OR52N5: variants seen among roughly 807,000 people sequenced by gnomAD.
OR52N5 encodes the protein olfactory receptor family 52 subfamily N member 5, also known as olfactory receptor 52N5.
Under a neutral mutation model 14.1 loss-of-function variants are expected in OR52N5, and 10 were observed. The ratio of observed to expected loss-of-function variants is 0.71; its 90% confidence interval spans 0.44 to 1.20. The LOEUF (loss-of-function observed/expected upper bound fraction) is 1.20. Ranked by LOEUF, OR52N5 falls within the 50% of genes most tolerant of loss-of-function variation. OR52N5 has a pLI of 0.00. For missense variants in OR52N5, 361 were observed against 403.2 expected (o/e 0.90, Z 0.90); for synonymous variants, 116 against 143.0 (o/e 0.81, Z 1.35).
chr11:5,778,291 C>A lies in OR52N5; in HGVS notation c.344G>T (p.Gly115Val). 1 of 1,520,952 alleles carries A rather than the reference C, an allele frequency of 6.6e-7. No individual in the cohort carries two copies. The highest frequency in any genetic ancestry group is 9.0e-7 in the Non-Finnish European group (1 of 1,114,684). 94.2% of individuals were successfully genotyped at this position (1,520,952 alleles called of 1,614,324 possible). The part of the protein sequence containing the change: ...ACLAQMFFVH[G>V]FTGVESGVLM... Reference sequence around the variant, plus strand: ...CACCCCAGACTCCACACCTGTGAACCCATGAACAAAGAACATCTGGGCCAA... The same window carrying A: ...CACCCCAGACTCCACACCTGTGAACACATGAACAAAGAACATCTGGGCCAA... Residue 115 changes from glycine to valine, a missense_variant, in exon 3 of 3, where the codon GGG becomes GTG. Coordinates refer to ENST00000641181, the MANE Select transcript of OR52N5 (RefSeq NM_001385662.1).
At position 5,777,669 on chromosome 11, in the gene OR52N5, A is replaced by T; in HGVS notation, c.966T>A (p.Gly322=). The part of the protein sequence containing the change: ...SVIKFFQGDK[G]AG ...ATTAAGTTGCCTTGAATCAACCTGCACCCTTATCACCCTGGAAGAACTTTA... is the reference window on the plus strand; with the variant it reads ...ATTAAGTTGCCTTGAATCAACCTGCTCCCTTATCACCCTGGAAGAACTTTA... Residue 322 remains glycine (G), a synonymous_variant, in exon 3 of 3, where the codon GGT becomes GGA. Transcript: ENST00000641181. 1 of 1,466,358 alleles carries T rather than the reference A, an allele frequency of 6.8e-7. No homozygotes were observed. The highest frequency in any genetic ancestry group is 9.2e-7 in the Non-Finnish European group (1 of 1,086,580). The allele number at this position is 1,466,358 out of a possible 1,614,324, so 90.8% of individuals were successfully genotyped here. A position where few individuals can be genotyped will look rare whatever the true frequency, so the allele number is the denominator to read the frequency against.
Position 5,777,462 on chromosome 11 carries a change from T to A in OR52N5, c.*198A>T. On this transcript the variant is annotated 3_prime_UTR_variant, in exon 3 of 3. Transcript: ENST00000641181. Reference sequence around the variant, plus strand: ...AAACTCATTTTTTAAAAACTGGCAATAGACAAAAATTAAGGGAAAGGCACT... The same window carrying A: ...AAACTCATTTTTTAAAAACTGGCAAAAGACAAAAATTAAGGGAAAGGCACT... 2.9e-6 allele frequency: 1 copy of A among 350,240 alleles called. No individual in the cohort carries two copies. The highest frequency in any genetic ancestry group is 5.0e-6 in the Non-Finnish European group (1 of 200,496). The allele number at this position is 350,240 out of a possible 1,614,324, so 21.7% of individuals were successfully genotyped here.
In OR52N5 at chr11:5,783,181, CA is replaced by C; in HGVS notation, c.-248+113del. 2.2e-5 allele frequency: 3 copies of C among 138,924 alleles called. 1 individual carries two copies. The Middle Eastern group carries it at 0.011, about 522-fold the overall frequency. 8.6% of individuals were successfully genotyped at this position (138,924 alleles called of 1,614,324 possible). A position where few individuals can be genotyped will look rare whatever the true frequency, so the allele number is the denominator to read the frequency against. On this transcript the variant is annotated intron_variant, in intron 1 of 2. Coordinates refer to ENST00000641181, the MANE Select transcript of OR52N5 (RefSeq NM_001385662.1). ...TCCTAATTTTCTCAGACTAAGAAAT[CA>C]CCAACAACATTTTCTGCAAGTCAGT...
intron 2 of OR52N5, among the ~76,000 whole-genome samples, chr11:5,779,391 A>G (rs1450858226): frequency 7.1e-6 from 1 of 140,014 alleles, no homozygotes; most frequent in African/African-American, 2.6e-5. Context: ...TGTCAATCTG[A>G]TTTGATGGTT....
At position 5,778,660 on chromosome 11, in the gene OR52N5, GA is replaced by G; in HGVS notation, c.-23-4del. The G allele has an allele frequency of 7.5e-7, 1 of 1,332,928 alleles. No individual in the cohort carries two copies. Among genetic ancestry groups the G allele is most frequent in the Non-Finnish European group, 1.0e-6 (1 of 987,674 alleles). The allele number at this position is 1,332,928 out of a possible 1,614,324, so 82.6% of individuals were successfully genotyped here. On this transcript the variant is annotated splice_region_variant and splice_polypyrimidine_tract_variant and intron_variant, in intron 2 of 2. Coordinates refer to ENST00000641181, the MANE Select transcript of OR52N5 (RefSeq NM_001385662.1). ...TCTATTTTTCCAGAAGTTTCATCCTGAAGAGAAGGAATTATGAAACAAATTT... is the reference window on the plus strand; with the variant it reads ...TCTATTTTTCCAGAAGTTTCATCCTGAGAGAAGGAATTATGAAACAAATTT...
intron 2 of OR52N5, among the ~76,000 whole-genome samples, chr11:5,779,791 G>T (rs1245654127): frequency 7.2e-6 from 1 of 138,742 alleles, no homozygotes; most frequent in Non-Finnish European, 1.6e-5. Flanking sequence ...TTGGATAATG[G>T]TGTCATTATC....
At position 5,779,516 on chromosome 11, in the gene OR52N5, G is replaced by A. The variant is rs566437926; in HGVS notation, c.-23-859C>T. The stretch of plus-strand genomic sequence containing the variant: ...TCTCTTTTTATATAATTCTCAAGAA[G>A]CATATTATCTAGACTCTCACTTTAT... On this transcript the variant is annotated intron_variant, in intron 2 of 2. Coordinates refer to ENST00000641181, the MANE Select transcript of OR52N5 (RefSeq NM_001385662.1). Among the ~76,000 whole-genome samples, 31 of 139,244 alleles carry A rather than the reference G, an allele frequency of 2.2e-4. 6 individuals carry two copies. The highest frequency in any genetic ancestry group is 7.1e-4 in the African/African-American group (27 of 38,176). 91.3% of individuals were successfully genotyped at this position (139,244 alleles called of 152,430 possible). A position where few individuals can be genotyped will look rare whatever the true frequency, so the allele number is the denominator to read the frequency against.
Position 5,777,805 on chromosome 11 carries a change from G to T in OR52N5, c.830C>A (p.Thr277Lys), listed in dbSNP as rs1159817399. The T allele has an allele frequency of 5.3e-6, 8 of 1,520,194 alleles. 2 individuals are homozygous for T. The highest frequency in any genetic ancestry group is 7.2e-6 in the Non-Finnish European group (8 of 1,113,868). The allele number at this position is 1,520,194 out of a possible 1,614,324, so 94.2% of individuals were successfully genotyped here. A position where few individuals can be genotyped will look rare whatever the true frequency, so the allele number is the denominator to read the frequency against. ...AATGATGTGAAGAGAAGGGGGAATT[G>T]TGTGTCCCCCAAAACGGTGGGCAAA... is the stretch of plus-strand genomic sequence containing the variant. ...TFFAHRFGGH[T>K]IPPSLHIIVA... is the part of the protein sequence containing the mutation. Residue 277 changes from threonine (T) to lysine (K), a missense_variant, in exon 3 of 3, where the codon ACA (threonine) becomes AAA (lysine). Transcript: ENST00000641181.
chr11:5,779,362 C>T (rs1276281796), intron 2 of OR52N5, among the ~76,000 whole-genome samples: 1 of 139,458 alleles, frequency 7.2e-6, no homozygotes, highest in South Asian at 2.4e-4. Context: ...ATATAAAATA[C>T]AGGACTAATG....
chr11:5,781,355 G>C (rs1320632769), intron 2 of OR52N5, among the ~76,000 whole-genome samples, 178 bp downstream of exon 2: 1 of 140,048 alleles, frequency 7.1e-6, no homozygotes, highest in Non-Finnish European at 1.6e-5. Context: ...TAGTAAGAAA[G>C]TTGTGTGGGA....
chr11:5,778,611 GCA>G lies in OR52N5; in HGVS notation c.22_23del (p.Cys8LeufsTer15). MPLFNSL[C>X]WFPTIHVTPP... ...GAGTCACATGAATTGTTGGAAACCA[GCA>G]TAATGAATTAAATAGAGGCATTCTA... is the stretch of plus-strand genomic sequence containing the variant. On this transcript the variant is annotated frameshift_variant, in exon 3 of 3. Transcript: ENST00000641181. LOFTEE classifies it high-confidence loss of function. The G allele has an allele frequency of 6.8e-7, 1 of 1,468,070 alleles. No homozygotes were observed. The highest frequency in any genetic ancestry group is 1.3e-5 in the South Asian group (1 of 79,460). The allele number at this position is 1,468,070 out of a possible 1,614,324, so 90.9% of individuals were successfully genotyped here. A position where few individuals can be genotyped will look rare whatever the true frequency, so the allele number is the denominator to read the frequency against.
In OR52N5 at chr11:5,778,747, C is replaced by A; in HGVS notation, c.-23-90G>T. On this transcript the variant is annotated intron_variant, in intron 2 of 2. Transcript: ENST00000641181. ...TAGAATAAAATTAAGTTTATAATGGCACCAACAATTATACATAAGTGACTA... is the reference window on the plus strand; with the variant it reads ...TAGAATAAAATTAAGTTTATAATGGAACCAACAATTATACATAAGTGACTA... 2 of 671,152 alleles carry A rather than the reference C, an allele frequency of 3.0e-6. 1 individual carries two copies. The highest frequency in any genetic ancestry group is 5.7e-5 in the East Asian group (2 of 35,284). 41.6% of individuals were successfully genotyped at this position (671,152 alleles called of 1,614,324 possible).
intron 1 of OR52N5, among the ~76,000 whole-genome samples, chr11:5,782,993 A>T (rs1172604720): frequency 7.2e-6 from 1 of 138,416 alleles, no homozygotes; most frequent in African/African-American, 2.7e-5. Flanking sequence ...TGACCCTGGC[A>T]TTACAGCACA....
At chr11:5,781,238 T>C (rs1473866067) in intron 2 of OR52N5, among the ~76,000 whole-genome samples, 1 of 140,400 alleles carries the variant, frequency 7.1e-6, no homozygotes, top group Non-Finnish European at 1.6e-5. Flanking sequence ...ATTTCTTTGT[T>C]TTCCCTGTAG....
rs1430701210 is a variant in OR52N5 at position 5,777,173 on chromosome 11, A to G, written c.*487T>C. 1 of 140,216 alleles carries G rather than the reference A, an allele frequency of 7.1e-6. No individual in the cohort carries two copies. Among genetic ancestry groups the G allele is most frequent in the Non-Finnish European group, 1.6e-5 (1 of 63,454 alleles). 8.7% of individuals were successfully genotyped at this position (140,216 alleles called of 1,614,324 possible). A position where few individuals can be genotyped will look rare whatever the true frequency, so the allele number is the denominator to read the frequency against. ...AAAAGATAAATGTTTGAGGTGATGGATATTCTAATTACCTTGATTGAATTA... is the reference window on the plus strand; with the variant it reads ...AAAAGATAAATGTTTGAGGTGATGGGTATTCTAATTACCTTGATTGAATTA... On this transcript the variant is annotated 3_prime_UTR_variant, in exon 3 of 3. Transcript: ENST00000641181.
chr11:5,781,455 T>C (rs781669800), intron 2 of OR52N5, 78 bp downstream of exon 2: 4 of 140,604 alleles, frequency 2.8e-5, no homozygotes, highest in Non-Finnish European at 6.3e-5. Flanking sequence ...TTCTTTATTC[T>C]TGCTTGTGGT....
Position 5,782,927 on chromosome 11 carries a change from A to G in OR52N5, c.-248+368T>C, listed in dbSNP as rs1370378318. Among the ~76,000 whole-genome samples, 10 of 139,386 alleles carry G rather than the reference A, an allele frequency of 7.2e-5. 1 individual carries two copies. Among genetic ancestry groups the G allele is most frequent in the African/African-American group, 2.6e-4 (10 of 38,060 alleles). The allele number at this position is 139,386 out of a possible 152,430, so 91.4% of individuals were successfully genotyped here. On this transcript the variant is annotated intron_variant, in intron 1 of 2. Coordinates refer to ENST00000641181, the MANE Select transcript of OR52N5 (RefSeq NM_001385662.1). ...TAGTGACTTGAAGGGAAAAGTTTGT[A>G]GCTATTTGTTTTTTCCTGATTTAAG...
rs1854514016 is a variant in OR52N5, at chr11:5,778,184, C to T, written c.451G>A (p.Ala151Thr). The T allele has an allele frequency of 4.6e-6, 7 of 1,520,304 alleles. 1 individual carries two copies. Among genetic ancestry groups the T allele is most frequent in the Non-Finnish European group, 6.3e-6 (7 of 1,114,006 alleles). 94.2% of individuals were successfully genotyped at this position (1,520,304 alleles called of 1,614,324 possible). ...YATTLTNPII[A>T]KAELATFLRG... ...AGGAAGGTGGCAAGCTCAGCCTTGG[C>T]AATGATAGGGTTGGTGAGTGTGGTA... Residue 151 changes from alanine (A) to threonine (T), a missense_variant, in exon 3 of 3, where the codon GCC becomes ACC. Ala to Thr is a moderately conservative substitution (Grantham distance 58). Transcript: ENST00000641181.
chr11:5,777,695 T>C lies in OR52N5; in HGVS notation c.940A>G (p.Ile314Val), dbSNP rs1854506026. 26 of 1,499,002 alleles carry C rather than the reference T, an allele frequency of 1.7e-5. 5 individuals are homozygous for C. The highest frequency in any genetic ancestry group is 2.4e-5 in the South Asian group (2 of 81,692). The allele number at this position is 1,499,002 out of a possible 1,614,324, so 92.9% of individuals were successfully genotyped here. The change falls in exon 3 of 3, where the codon ATA becomes GTA. Residue 314 changes from isoleucine to valine, a missense_variant. Physicochemically the swap from Ile to Val is conservative, Grantham distance 29. Transcript: ENST00000641181. ...VKTKQIRKSV[I>V]KFFQGDKGAG ...CCCTTATCACCCTGGAAGAACTTTA[T>C]GACACTCTTGCGTATCTGTTTTGTC... is the stretch of plus-strand genomic sequence containing the variant.
Sources: gnomAD v4.1 joint callset for allele counts (sites outside exome capture counted in the v4.1 genomes callset) on GRCh38, gnomAD v4.1.1 for gene constraint, MANE v1.5 for transcripts, NCBI Gene and HGNC (gene_info 2026-07-23, HGNC 2026-07-21) for gene names.